SENP7: variants seen among roughly 807,000 people sequenced by gnomAD.
The protein encoded by SENP7 is sentrin-specific protease 7.
A neutral mutation model predicts 141.2 loss-of-function variants in SENP7; 64 were observed. The ratio of observed to expected loss-of-function variants is 0.45; its 90% CI spans 0.37 to 0.56. The LOEUF is 0.56. Among genes scored for constraint, SENP7 ranks in the 20% least tolerant of loss-of-function variants. The pLI is 0.00. For synonymous variants in SENP7, 382 were observed against 426.4 expected (o/e 0.90, Z 1.28); for missense variants, 1,025 against 1,212.2 (o/e 0.85, Z 2.29).
At chr3:101,397,640 C>A (rs981241849) in intron 6 of SENP7, among the ~76,000 whole-genome samples, 20 of 152,138 alleles carry the variant, frequency 1.3e-4, no homozygotes, top group Admixed American at 1.2e-3. Flanking sequence ...TTCAAGAATT[C>A]ATAGAAAATA....
At chr3:101,414,364 G>C in intron 5 of SENP7, 1 of 816,978 alleles carries the variant, frequency 1.2e-6, no homozygotes, top group Admixed American at 1.7e-5. Context: ...CCTGCAGCAG[G>C]TGCACCAGTG....
intron 3 of SENP7, among the ~76,000 whole-genome samples, chr3:101,461,502 A>G (rs1158260546): frequency 6.6e-6 from 1 of 152,106 alleles, no homozygotes; most frequent in Non-Finnish European, 1.5e-5. Context: ...AAAGAGCAAG[A>G]GAGAAAAAAA....
At chr3:101,492,903 A>C (rs1465894168) in intron 3 of SENP7, among the ~76,000 whole-genome samples, 1 of 152,168 alleles carries the variant, frequency 6.6e-6, no homozygotes, top group Non-Finnish European at 1.5e-5. Flanking sequence ...GGGCAGCAAG[A>C]TCACTCGAGC....
chr3:101,337,718 T>G, intron 16 of SENP7, 87 bp from the exon 17 acceptor site: 1 of 1,142,084 alleles, frequency 8.8e-7, no homozygotes, highest in Non-Finnish European at 1.2e-6. Context: ...TGGAAATCTT[T>G]ATTTTTTATC....
At chr3:101,453,920 C>G (rs1445671216) in intron 4 of SENP7, among the ~76,000 whole-genome samples, 1 of 149,366 alleles carries the variant, frequency 6.7e-6, no homozygotes, top group African/African-American at 2.5e-5. Flanking sequence ...AAAAGATAAT[C>G]AACATCATTT....
At chr3:101,329,585 C>A (rs1410502521) in intron 20 of SENP7, among the ~76,000 whole-genome samples, 2 of 151,816 alleles carry the variant, frequency 1.3e-5, no homozygotes, top group African/African-American at 4.8e-5. Flanking sequence ...TTAATGATAA[C>A]TATTTTAGCC....
At chr3:101,418,067 A>G (rs1214052260) in intron 4 of SENP7, among the ~76,000 whole-genome samples, 1 of 152,218 alleles carries the variant, frequency 6.6e-6, no homozygotes, top group African/African-American at 2.4e-5. Context: ...CAATGCATTC[A>G]TGTTTATTAA....
chr3:101,503,610 A>C (rs1394232990), intron 1 of SENP7, among the ~76,000 whole-genome samples: 1 of 152,248 alleles, frequency 6.6e-6, no homozygotes, highest in Non-Finnish European at 1.5e-5. Flanking sequence ...TTTCTCAGAA[A>C]TTCAAGAAGA....
At chr3:101,500,534 C>T (rs187006505) in intron 2 of SENP7, among the ~76,000 whole-genome samples, 1 of 151,962 alleles carries the variant, frequency 6.6e-6, no homozygotes, top group Non-Finnish European at 1.5e-5. Flanking sequence ...CAGAGCAAGA[C>T]CCTGTCTCTT....
chr3:101,490,125 T>C (rs1352939407), intron 3 of SENP7, among the ~76,000 whole-genome samples: 1 of 149,078 alleles, frequency 6.7e-6, no homozygotes, highest in Admixed American at 6.8e-5. Context: ...GCAGAGGTTG[T>C]GGTGAGCCAA....
chr3:101,429,413 C>A (rs911755230), intron 4 of SENP7, among the ~76,000 whole-genome samples: 3 of 152,086 alleles, frequency 2.0e-5, no homozygotes, highest in South Asian at 4.2e-4. Context: ...CTTCACATCC[C>A]TTGTAAGTTG....
intron 6 of SENP7, among the ~76,000 whole-genome samples, chr3:101,380,836 T>C (rs2060481897): frequency 1.3e-5 from 2 of 152,106 alleles, no homozygotes; most frequent in Non-Finnish European, 1.5e-5. Flanking sequence ...CAAAGGAGCA[T>C]TGTTTATGAG....
chr3:101,399,163 C>T (rs2061060127), intron 5 of SENP7, 108 bp from the exon 6 acceptor site: 1 of 603,014 alleles, frequency 1.7e-6, no homozygotes, highest in South Asian at 4.2e-5. Flanking sequence ...CACAAGAAAG[C>T]TGTTCGAACT....
intron 3 of SENP7, among the ~76,000 whole-genome samples, chr3:101,470,273 G>A (rs923282623): frequency 2.6e-5 from 4 of 152,044 alleles, no homozygotes; most frequent in Admixed American, 6.6e-5. Flanking sequence ...TCGGCAAACC[G>A]AATCCAGCAG....
chr3:101,476,675 C>T (rs888486632), intron 3 of SENP7, among the ~76,000 whole-genome samples: 16 of 152,232 alleles, frequency 1.1e-4, no homozygotes, highest in African/African-American at 3.9e-4. Flanking sequence ...GGAATCGCCA[C>T]ACTGTCTTCC....
chr3:101,400,559 A>G (rs1162473763), intron 5 of SENP7, among the ~76,000 whole-genome samples: 1 of 150,662 alleles, frequency 6.6e-6, no homozygotes, highest in African/African-American at 2.5e-5. Flanking sequence ...TGATGGCACA[A>G]TTGTAATTGC....
chr3:101,487,173 G>A (rs2064764927), intron 3 of SENP7, among the ~76,000 whole-genome samples: 1 of 151,718 alleles, frequency 6.6e-6, no homozygotes, highest in Admixed American at 6.6e-5. Context: ...TATTAGTGGG[G>A]GACTTTAATA....
intron 5 of SENP7, among the ~76,000 whole-genome samples, chr3:101,402,576 C>CA (rs2061178780): frequency 7.6e-6 from 1 of 131,370 alleles, no homozygotes; most frequent in African/African-American, 2.9e-5. Flanking sequence ...GAGATCATGC[C>CA]ACTGCATTAC....
chr3:101,505,264 G>A (rs2065555045), intron 1 of SENP7, among the ~76,000 whole-genome samples: 2 of 152,026 alleles, frequency 1.3e-5, no homozygotes, highest in Non-Finnish European at 2.9e-5. Context: ...TTCAGGTGAT[G>A]ATTACACTAA....
Sources: allele counts gnomAD v4.1 joint callset (sites outside exome capture counted in the v4.1 genomes callset), GRCh38; gene constraint gnomAD v4.1.1; transcripts MANE v1.5; gene names NCBI Gene and HGNC (gene_info 2026-07-23, HGNC 2026-07-21).